RC3H2: variants seen among roughly 807,000 people sequenced by gnomAD.
The protein encoded by RC3H2 is roquin-2.
Under a neutral mutation model 133.3 loss-of-function variants are expected in RC3H2, and 31 were observed. That is an observed-to-expected ratio of 0.23 (90% CI 0.17 to 0.31). The LOEUF is 0.31. RC3H2 is among the 10% of genes least tolerant of loss of function. RC3H2 has a pLI of 1.00. For synonymous variants in RC3H2, 517 were observed against 502.2 expected (o/e 1.03, Z -0.40); for missense variants, 1,175 against 1,437.2 (o/e 0.82, Z 2.95).
chr9:122,904,224 A>G (rs1036258631), intron 1 of RC3H2, among the ~76,000 whole-genome samples: 3 of 152,254 alleles, frequency 2.0e-5, no homozygotes, highest in Non-Finnish European at 2.9e-5. Context: ...AGGAGGAATT[A>G]AAAAGGGAAC....
At chr9:122,858,279 C>T (rs1057423518) in intron 12 of RC3H2, among the ~76,000 whole-genome samples, 186 bp from the exon 13 acceptor site, 5 of 152,166 alleles carry the variant, frequency 3.3e-5, no homozygotes, top group Admixed American at 6.5e-5. Flanking sequence ...TGATGTTAAA[C>T]GCAGAATCTG....
chr9:122,891,204 G>A (rs1487693999), intron 3 of RC3H2, among the ~76,000 whole-genome samples: 2 of 151,804 alleles, frequency 1.3e-5, no homozygotes, highest in African/African-American at 4.8e-5. Context: ...TGTATTTTTA[G>A]TAGAGATGGG....
rs1437183960 is a variant in RC3H2 at position 122,865,522 on chromosome 9, C to T, written c.1461G>A (p.Gly487=). ...TTCCGTTTGTACTTGGAACAATTTT[C>T]CCTGTTGTTTCAGTACTTCCTATGA... is the stretch of plus-strand genomic sequence containing the variant. ...ISVIGSTETT[G]KIVPSTNGIS... Residue 487 remains glycine, a synonymous_variant, in exon 10 of 21, where the codon GGG becomes GGA. Transcript: ENST00000357244. The T allele has an allele frequency of 6.2e-7, 1 of 1,614,166 alleles. No homozygotes were observed. Among genetic ancestry groups the T allele is most frequent in the South Asian group, 1.1e-5 (1 of 91,090 alleles).
chr9:122,848,392 C>T lies in RC3H2; in HGVS notation c.*1235G>A, dbSNP rs1829911698. On this transcript the variant is annotated 3_prime_UTR_variant, in exon 21 of 21. Coordinates refer to ENST00000357244, the MANE Select transcript of RC3H2 (RefSeq NM_001100588.3). ...ATTTAGGTTTCAGTACAATACCTCC[C>T]ACAAATCTGATGCATGACTTGTTGA... The T allele has an allele frequency of 6.6e-6, 1 of 152,132 alleles. No individual in the cohort carries two copies. The highest frequency in any genetic ancestry group is 2.1e-4 in the South Asian group (1 of 4,826). The allele number at this position is 152,132 out of a possible 1,614,324, so 9.4% of individuals were successfully genotyped here.
chr9:122,882,960 A>C (rs1831716570), intron 5 of RC3H2, among the ~76,000 whole-genome samples: 1 of 152,216 alleles, frequency 6.6e-6, no homozygotes, highest in Non-Finnish European at 1.5e-5. Context: ...CAAGTTTACC[A>C]AATGATTTCC....
intron 2 of RC3H2, among the ~76,000 whole-genome samples, chr9:122,894,437 A>T (rs1243035146): frequency 1.5e-4 from 23 of 152,170 alleles, no homozygotes; most frequent in Admixed American, 1.5e-3. Context: ...TCAATAAATT[A>T]AAAACATAAT....
At position 122,857,960 on chromosome 9, in the gene RC3H2, G is replaced by A. The variant is rs1830311994; in HGVS notation, c.2417C>T (p.Pro806Leu). ...GTCTACACTGAACAGAGGAGAAGGT[G>A]GTGTTGGTGACTGTGTTGCCACAGG... ...TLPVATQSPT[P>L]PSPLFSVDFR... Residue 806 changes from proline (P) to leucine (L), a missense_variant, in exon 13 of 21, where the codon CCA becomes CTA. By Grantham distance (98) the Pro-to-Leu change is moderately conservative. Coordinates refer to ENST00000357244, the MANE Select transcript of RC3H2 (RefSeq NM_001100588.3). 6.2e-7 allele frequency: 1 copy of A among 1,614,158 alleles called. No homozygotes were observed. Among genetic ancestry groups the A allele is most frequent in the South Asian group, 1.1e-5 (1 of 91,084 alleles).
At chr9:122,875,947 G>A (rs1389690678) in intron 9 of RC3H2, among the ~76,000 whole-genome samples, 1 of 152,214 alleles carries the variant, frequency 6.6e-6, no homozygotes, top group Non-Finnish European at 1.5e-5. Context: ...AGGGTGGTAT[G>A]AGTAAATCTG....
In RC3H2 at chr9:122,865,334, T is replaced by C; in HGVS notation, c.1634+15A>G. 1 of 1,570,736 alleles carries C rather than the reference T, an allele frequency of 6.4e-7. No homozygotes were observed. The highest frequency in any genetic ancestry group is 8.7e-7 in the Non-Finnish European group (1 of 1,155,924). ...GAAAAAGAATTTCCAGTAATCATTT[T>C]TACCTAATACCTACTTTTCAGTTAC... On this transcript the variant is annotated intron_variant, in intron 10 of 20. Coordinates refer to ENST00000357244, the MANE Select transcript of RC3H2 (RefSeq NM_001100588.3).
rs890392435 is a variant in RC3H2, at chr9:122,850,966, C to A, written c.3380+115G>T. On this transcript the variant is annotated intron_variant, in intron 20 of 20. Coordinates refer to ENST00000357244, the MANE Select transcript of RC3H2 (RefSeq NM_001100588.3). ...CCCTAAAAATCCAGATTGACCAAAT[C>A]ATTGCCCATATAAGGTCTTCCCCTC... The A allele has an allele frequency of 1.0e-5, 11 of 1,081,472 alleles. No individual in the cohort carries two copies. In the East Asian group the frequency reaches 2.6e-4, roughly 26 times the overall value. 67.0% of individuals were successfully genotyped at this position (1,081,472 alleles called of 1,614,324 possible). A position where few individuals can be genotyped will look rare whatever the true frequency, so the allele number is the denominator to read the frequency against.
intron 9 of RC3H2, chr9:122,873,879 G>T (rs1450123971): frequency 1.3e-5 from 2 of 151,750 alleles, no homozygotes; most frequent in African/African-American, 2.4e-5. Flanking sequence ...GTATAGTGGC[G>T]CCATCTCGGC....
At chr9:122,886,736 G>A (rs1188556704) in intron 4 of RC3H2, among the ~76,000 whole-genome samples, 2 of 152,186 alleles carry the variant, frequency 1.3e-5, no homozygotes, top group Non-Finnish European at 2.9e-5. Context: ...AAACAAGTAT[G>A]TCCCTGTGAT....
At position 122,879,744 on chromosome 9, in the gene RC3H2, A is replaced by G; in HGVS notation, c.1212+11T>C. The G allele has an allele frequency of 6.5e-7, 1 of 1,540,878 alleles. No individual in the cohort carries two copies. The highest frequency in any genetic ancestry group is 8.9e-7 in the Non-Finnish European group (1 of 1,124,186). On this transcript the variant is annotated intron_variant, in intron 8 of 20. Coordinates refer to ENST00000357244, the MANE Select transcript of RC3H2 (RefSeq NM_001100588.3). ...GACAACAGCAGTCAGAAATGTAATA[A>G]ATGTACTTACCTGAGGGGTCTCATG...
chr9:122,868,945 A>G (rs142172072), intron 9 of RC3H2, among the ~76,000 whole-genome samples: 2,063 of 130,592 alleles, frequency 0.016, 32 homozygotes, highest in South Asian at 0.06. Context: ...CTTGTCGCCC[A>G]GGTTACAGTG....
chr9:122,851,302 T>C, intron 19 of RC3H2, 21 bp downstream of exon 19: 1 of 1,612,094 alleles, frequency 6.2e-7, no homozygotes, highest in African/African-American at 1.3e-5. Context: ...AGCCTCTCAA[T>C]TATCTAATTG....
At chr9:122,887,130 T>C (rs776809154) in intron 4 of RC3H2, among the ~76,000 whole-genome samples, 1 of 152,232 alleles carries the variant, frequency 6.6e-6, no homozygotes, top group Non-Finnish European at 1.5e-5. Flanking sequence ...CAGCCACAAA[T>C]AATTCTTGCT....
chr9:122,863,487 G>T (rs572347016), intron 10 of RC3H2, among the ~76,000 whole-genome samples: 3 of 151,662 alleles, frequency 2.0e-5, no homozygotes, highest in Admixed American at 1.3e-4. Context: ...ATGTTATGTT[G>T]TTTTTTTTCT....
chr9:122,871,935 C>T (rs954897660), intron 9 of RC3H2, among the ~76,000 whole-genome samples: 2 of 151,968 alleles, frequency 1.3e-5, no homozygotes, highest in African/African-American at 4.8e-5. Flanking sequence ...AGTCACCATG[C>T]CCAGCCAATT....
chr9:122,870,088 A>T (rs1588078750), intron 9 of RC3H2, among the ~76,000 whole-genome samples: 1 of 152,124 alleles, frequency 6.6e-6, no homozygotes, highest in East Asian at 1.9e-4. Flanking sequence ...CAAAAAATAA[A>T]ACTTGGCCGG....
Sources: gnomAD v4.1 joint callset for allele counts (sites outside exome capture counted in the v4.1 genomes callset) on GRCh38, gnomAD v4.1.1 for gene constraint, MANE v1.5 for transcripts, NCBI Gene and HGNC (gene_info 2026-07-23, HGNC 2026-07-21) for gene names.